Variants in KIAA1217 observed in about 807,000 individuals in gnomAD.
The protein encoded by KIAA1217 is KIAA1217.
KIAA1217 carries 88 observed loss-of-function variants against 163.9 expected under a neutral mutation model. The ratio of observed to expected loss-of-function variants is 0.54; its 90% CI spans 0.45 to 0.64. KIAA1217 has a LOEUF of 0.64. Among genes scored for constraint, KIAA1217 ranks in the 30% least tolerant of loss-of-function variants. The pLI is 0.00. For synonymous variants in KIAA1217, 903 were observed against 923.1 expected (o/e 0.98, Z 0.39); for missense variants, 2,372 against 2,475.0 (o/e 0.96, Z 0.88).
At chr10:23,981,735 C>CTT (rs72266090) in intron 1 of KIAA1217, among the ~76,000 whole-genome samples, 31,119 of 152,000 alleles carry the variant, frequency 0.2, 3,468 homozygotes, top group Middle Eastern at 0.29. Flanking sequence ...TCTGACAAGA[C>CTT]TTATTGGCCT....
At chr10:24,155,587 G>A (rs903037287) in intron 2 of KIAA1217, among the ~76,000 whole-genome samples, 2 of 152,110 alleles carry the variant, frequency 1.3e-5, no homozygotes, top group Non-Finnish European at 2.9e-5. Context: ...TTAGGAGGCC[G>A]AGGTGGGCGG....
At chr10:23,865,144 A>T (rs1194964217) in intron 1 of KIAA1217, among the ~76,000 whole-genome samples, 2 of 152,148 alleles carry the variant, frequency 1.3e-5, no homozygotes, top group Non-Finnish European at 2.9e-5. Flanking sequence ...TCTCACCAAC[A>T]AGGTAACATT....
chr10:24,254,390 G>A (rs550276293), intron 2 of KIAA1217, among the ~76,000 whole-genome samples: 15 of 152,332 alleles, frequency 9.8e-5, no homozygotes, highest in East Asian at 5.8e-4. Context: ...GAGCCAGCTC[G>A]AATCCAAGTT....
At chr10:24,491,554 C>T (rs11014113) in intron 6 of KIAA1217, among the ~76,000 whole-genome samples, 76,035 of 151,784 alleles carry the variant, frequency 0.5, 19,317 homozygotes, top group African/African-American at 0.58. Context: ...CCTCCCAAAG[C>T]ACTGGGATTA....
At chr10:24,151,279 A>G (rs1287671877) in intron 2 of KIAA1217, among the ~76,000 whole-genome samples, 1 of 151,880 alleles carries the variant, frequency 6.6e-6, no homozygotes, top group Non-Finnish European at 1.5e-5. Flanking sequence ...TGAATTTCAC[A>G]TATTTTATCT....
At chr10:23,708,031 G>GA (rs2130726670) in intron 1 of KIAA1217, among the ~76,000 whole-genome samples, 1 of 152,268 alleles carries the variant, frequency 6.6e-6, no homozygotes, top group East Asian at 1.9e-4. Context: ...AATTTATAAA[G>GA]AAAAATAAGT....
intron 1 of KIAA1217, among the ~76,000 whole-genome samples, chr10:23,726,923 A>C (rs1324639347): frequency 6.7e-6 from 1 of 149,936 alleles, no homozygotes; most frequent in Non-Finnish European, 1.5e-5. Context: ...CAATACTGCT[A>C]TGATAATTTT....
intron 1 of KIAA1217, among the ~76,000 whole-genome samples, chr10:23,792,281 A>G (rs962545890): frequency 6.6e-6 from 1 of 152,196 alleles, no homozygotes; most frequent in Non-Finnish European, 1.5e-5. Flanking sequence ...TATGCTTTAG[A>G]TGTCTACAGA....
chr10:23,943,908 A>G (rs951183523), intron 1 of KIAA1217, among the ~76,000 whole-genome samples: 2 of 151,918 alleles, frequency 1.3e-5, no homozygotes, highest in Admixed American at 1.3e-4. Flanking sequence ...TTTTCCACCT[A>G]CTTCATCCCT....
Position 23,981,188 on chromosome 10 carries a change from C to A in KIAA1217, c.-320-26037C>A, listed in dbSNP as rs192149671. 2.3e-3 allele frequency among the ~76,000 whole-genome samples: 356 copies of A among 152,236 alleles called. 2 individuals carry two copies. The highest frequency in any genetic ancestry group is 3.3e-3 in the Non-Finnish European group (227 of 68,004). On this transcript the variant is annotated intron_variant, in intron 1 of 18. Transcript: ENST00000376462. ...GATATTTATCAATAATATCTATATA[C>A]AATTTATTTTGGTACTTTCTGAAAT...
intron 4 of KIAA1217, among the ~76,000 whole-genome samples, chr10:24,434,516 T>C (rs2059872109): frequency 6.6e-6 from 1 of 152,192 alleles, no homozygotes; most frequent in Non-Finnish European, 1.5e-5. Flanking sequence ...TTTTAATCTT[T>C]TGTAGAGACA....
intron 1 of KIAA1217, among the ~76,000 whole-genome samples, chr10:24,002,787 T>C (rs1846811031): frequency 6.6e-6 from 1 of 152,124 alleles, no homozygotes; most frequent in Non-Finnish European, 1.5e-5. Context: ...GTGTAGTCTT[T>C]CATCCCTCAC....
intron 17 of KIAA1217, among the ~76,000 whole-genome samples, chr10:24,538,732 GTTTT>G (rs756717624): frequency 1.1e-5 from 1 of 87,770 alleles, no homozygotes; most frequent in Non-Finnish European, 2.2e-5. Context: ...ATTGTTTTTG[GTTTT>G]TTTTTTTTTT....
intron 1 of KIAA1217, among the ~76,000 whole-genome samples, chr10:23,984,105 C>A (rs1845876761): frequency 6.6e-6 from 1 of 152,218 alleles, no homozygotes; most frequent in South Asian, 2.1e-4. Context: ...AAAGAATATT[C>A]TTTGATTACA....
At chr10:23,958,179 C>G (rs1844652462) in intron 1 of KIAA1217, among the ~76,000 whole-genome samples, 1 of 152,152 alleles carries the variant, frequency 6.6e-6, no homozygotes, top group African/African-American at 2.4e-5. Context: ...GAGGGAAGGT[C>G]CTGCCTATTC....
rs528743964 is a variant in KIAA1217 at position 23,928,481 on chromosome 10, T to A, written c.-320-78744T>A. Among the ~76,000 whole-genome samples the A allele has an allele frequency of 1.3e-3, 196 of 152,318 alleles. 1 individual carries two copies. Among genetic ancestry groups the A allele is most frequent in the Middle Eastern group, 3.4e-3 (1 of 294 alleles). ...GTTCATTTATTTGTTTATATAAATG[T>A]ATATGGTCATTCATTTAATAAGTAG... On this transcript the variant is annotated intron_variant, in intron 1 of 18. Transcript: ENST00000376462.
Position 24,420,132 on chromosome 10 carries a change from C to A in KIAA1217, c.554-12863C>A, listed in dbSNP as rs560912521. 2.7e-3 allele frequency among the ~76,000 whole-genome samples: 418 copies of A among 152,162 alleles called. 2 individuals are homozygous for A. The highest frequency in any genetic ancestry group is 3.9e-3 in the Non-Finnish European group (262 of 68,018). On this transcript the variant is annotated intron_variant, in intron 3 of 20. Coordinates refer to ENST00000376454, the MANE Select transcript of KIAA1217 (RefSeq NM_019590.5). ...CCTCTTCAACTTCATGGATAGGGTTCAATAGTGATTATGCAAATTTACACT... is the reference window on the plus strand; with the variant it reads ...CCTCTTCAACTTCATGGATAGGGTTAAATAGTGATTATGCAAATTTACACT...
chr10:23,933,721 G>A (rs1843350734), intron 1 of KIAA1217, among the ~76,000 whole-genome samples: 1 of 151,866 alleles, frequency 6.6e-6, no homozygotes, highest in Non-Finnish European at 1.5e-5. Context: ...TCAAAAAGAG[G>A]GCAAAGGATA....
intron 1 of KIAA1217, among the ~76,000 whole-genome samples, chr10:23,753,732 C>A (rs1019239187): frequency 3.2e-4 from 48 of 152,244 alleles, no homozygotes; most frequent in African/African-American, 1.2e-3. Context: ...AACATTATGT[C>A]TAAAATCCAA....
Sources: allele counts gnomAD v4.1 joint callset (sites outside exome capture counted in the v4.1 genomes callset), GRCh38; gene constraint gnomAD v4.1.1; transcripts MANE v1.5; gene names NCBI Gene and HGNC (gene_info 2026-07-23, HGNC 2026-07-21).